OPCML: variants seen among roughly 807,000 people sequenced by gnomAD.
OPCML encodes opioid binding protein/cell adhesion molecule like.
Under a neutral mutation model 37.8 loss-of-function variants are expected in OPCML, and 13 were observed. That is an observed-to-expected ratio of 0.34 (90% CI 0.22 to 0.55). The LOEUF is 0.55. Ranked by LOEUF, OPCML falls within the 20% of genes least tolerant of loss-of-function variation. The pLI, the probability that OPCML is intolerant of heterozygous loss-of-function variation, is 0.91. For synonymous variants in OPCML, 176 were observed against 168.8 expected (o/e 1.04, Z -0.33); for missense variants, 341 against 435.6 (o/e 0.78, Z 1.93).
intron 1 of OPCML, among the ~76,000 whole-genome samples, chr11:133,146,738 G>A (rs1441983270): frequency 1.3e-5 from 2 of 152,210 alleles, no homozygotes; most frequent in African/African-American, 4.8e-5. Flanking sequence ...TGGGATTACA[G>A]GCATGAACCA....
At chr11:133,035,641 C>CA (rs376258818) in intron 1 of OPCML, among the ~76,000 whole-genome samples, 5 of 152,110 alleles carry the variant, frequency 3.3e-5, no homozygotes, top group African/African-American at 1.2e-4. Flanking sequence ...CGTGCCCCCC[C>CA]AAAAAATGTA....
intron 1 of OPCML, among the ~76,000 whole-genome samples, chr11:133,126,094 CAT>C (rs1330410618): frequency 2.4e-4 from 30 of 127,080 alleles, no homozygotes; most frequent in African/African-American, 7.4e-4. Flanking sequence ...CACACACACA[CAT>C]ATATGAGAGA....
intron 1 of OPCML, among the ~76,000 whole-genome samples, chr11:133,046,152 T>TGCTGTGTGTTA (rs1220564302): frequency 2.0e-5 from 3 of 152,156 alleles, no homozygotes; most frequent in African/African-American, 7.2e-5. Context: ...GTTCTTGACT[T>TGCTGTGTGTTA]GCTGTGTGTT....
intron 1 of OPCML, among the ~76,000 whole-genome samples, chr11:133,431,710 C>A (rs1946119618): frequency 6.6e-6 from 1 of 151,366 alleles, no homozygotes; most frequent in African/African-American, 2.4e-5. Flanking sequence ...GGTGATCCGC[C>A]AGCCTCAGCC....
At chr11:132,731,229 C>T (rs1296217511) in intron 2 of OPCML, among the ~76,000 whole-genome samples, 1 of 152,132 alleles carries the variant, frequency 6.6e-6, no homozygotes, top group African/African-American at 2.4e-5. Context: ...ATTGGCAGCA[C>T]AAATCTAAAG....
chr11:133,284,790 T>C (rs1462062582), intron 1 of OPCML, among the ~76,000 whole-genome samples: 3 of 152,130 alleles, frequency 2.0e-5, no homozygotes, highest in African/African-American at 7.2e-5. Context: ...ACTCAGAGCC[T>C]CAGGTTCATC....
At chr11:132,485,359 TTTTG>T (rs933086877) in intron 4 of OPCML, among the ~76,000 whole-genome samples, 33 of 152,162 alleles carry the variant, frequency 2.2e-4, no homozygotes, top group South Asian at 6.2e-4. Flanking sequence ...TCTTTGTGTT[TTTTG>T]TTTGTTTGTT....
At chr11:133,015,157 T>A (rs1947296709) in intron 1 of OPCML, among the ~76,000 whole-genome samples, 1 of 152,072 alleles carries the variant, frequency 6.6e-6, no homozygotes, top group African/African-American at 2.4e-5. Flanking sequence ...ACCAGATAGA[T>A]AGGCAGGTTG....
intron 2 of OPCML, among the ~76,000 whole-genome samples, chr11:132,704,160 T>C (rs1184516655): frequency 6.6e-6 from 1 of 152,174 alleles, no homozygotes; most frequent in East Asian, 1.9e-4. Flanking sequence ...AGTTTAGTGC[T>C]TGTGTCTACA....
chr11:132,879,226 C>A (rs1032700566), intron 2 of OPCML, among the ~76,000 whole-genome samples: 4 of 152,066 alleles, frequency 2.6e-5, no homozygotes, highest in African/African-American at 9.7e-5. Flanking sequence ...CCATTCTAGG[C>A]ACCTAGACAA....
chr11:132,884,472 A>T (rs1943334378), intron 2 of OPCML, among the ~76,000 whole-genome samples: 1 of 152,228 alleles, frequency 6.6e-6, no homozygotes, highest in Non-Finnish European at 1.5e-5. Context: ...GGGGTCAGAA[A>T]GATTGCTTGG....
chr11:132,586,526 C>A (rs2096473014), intron 3 of OPCML, among the ~76,000 whole-genome samples: 1 of 152,138 alleles, frequency 6.6e-6, no homozygotes, highest in Non-Finnish European at 1.5e-5. Context: ...CCTTTCCTAT[C>A]AGAAGGGAAA....
intron 1 of OPCML, among the ~76,000 whole-genome samples, chr11:133,521,499 A>C (rs1317450598): frequency 6.6e-6 from 1 of 152,246 alleles, no homozygotes; most frequent in Admixed American, 6.5e-5. Flanking sequence ...GGCAGTTATA[A>C]GGTAGTATCC....
intron 1 of OPCML, among the ~76,000 whole-genome samples, chr11:133,114,364 T>C (rs775047791): frequency 1.3e-5 from 2 of 152,208 alleles, no homozygotes; most frequent in Non-Finnish European, 2.9e-5. Context: ...TTTTTTTTCT[T>C]TTTTTAACAT....
chr11:133,419,316 A>C (rs1945834179), intron 1 of OPCML: 1 of 985,448 alleles, frequency 1.0e-6, no homozygotes, highest in Non-Finnish European at 1.2e-6. Flanking sequence ...AAACTGGAAA[A>C]TAGGCATGAA....
At chr11:133,045,421 T>A (rs564335462) in intron 1 of OPCML, among the ~76,000 whole-genome samples, 1 of 152,342 alleles carries the variant, frequency 6.6e-6, no homozygotes, top group South Asian at 2.1e-4. Context: ...CACAGATGAT[T>A]TCCTCTCATT....
At chr11:133,429,093 G>C (rs898946321) in intron 1 of OPCML, among the ~76,000 whole-genome samples, 1 of 152,166 alleles carries the variant, frequency 6.6e-6, no homozygotes, top group Non-Finnish European at 1.5e-5. Context: ...TGGAAGGAGT[G>C]GGGGAAGAAT....
chr11:133,486,918 C>T (rs540277458), intron 1 of OPCML, among the ~76,000 whole-genome samples: 1 of 151,244 alleles, frequency 6.6e-6, no homozygotes, highest in South Asian at 2.1e-4. Flanking sequence ...TTCCCCTCCA[C>T]CCCCTACATA....
chr11:132,808,494 T>G (rs1445990064), intron 2 of OPCML, among the ~76,000 whole-genome samples: 1 of 152,208 alleles, frequency 6.6e-6, no homozygotes, highest in Admixed American at 6.5e-5. Context: ...GGGATCATGG[T>G]AAACGCAGTG....
Sources: gnomAD v4.1 joint callset for allele counts (sites outside exome capture counted in the v4.1 genomes callset) on GRCh38, gnomAD v4.1.1 for gene constraint, MANE v1.5 for transcripts, NCBI Gene and HGNC (gene_info 2026-07-23, HGNC 2026-07-21) for gene names.